The following CNIH1 variants were observed in gnomAD, a reference collection of about 807,000 sequenced individuals.
CNIH1 encodes protein cornichon homolog 1.
Under a neutral mutation model 20.2 loss-of-function variants are expected in CNIH1, and 12 were observed. The observed-to-expected ratio is 0.59, with a 90% CI of 0.38 to 0.96. The LOEUF (loss-of-function observed/expected upper bound fraction) is 0.96. CNIH1 is among the 40% of genes least tolerant of loss of function. The pLI, the probability that CNIH1 is intolerant of heterozygous loss-of-function variation, is 0.00. For synonymous variants in CNIH1, 69 were observed against 63.3 expected, an observed-to-expected ratio of 1.09 and a Z score of -0.43; for missense variants, 152 against 178.8, an observed-to-expected ratio of 0.85 and a Z score of 0.85.
intron 1 of CNIH1, among the ~76,000 whole-genome samples, chr14:54,439,941 G>A (rs1488944862): frequency 6.6e-6 from 1 of 152,172 alleles, no homozygotes; most frequent in Admixed American, 6.5e-5. Flanking sequence ...TCAAAGCAGG[G>A]CTGAAGATGC....
At chr14:54,438,137 G>A (rs1370116817) in intron 1 of CNIH1, among the ~76,000 whole-genome samples, 2 of 152,066 alleles carry the variant, frequency 1.3e-5, no homozygotes, top group Non-Finnish European at 2.9e-5. Context: ...ATGCCACCAT[G>A]CCTGGCTAAT....
At chr14:54,432,065 A>G in intron 3 of CNIH1, 43 bp downstream of exon 3, 1 of 1,041,140 alleles carries the variant, frequency 9.6e-7, no homozygotes, top group Non-Finnish European at 1.3e-6. Flanking sequence ...AGTATATTTA[A>G]GTTTTAATTT....
chr14:54,441,331 TG>T lies in CNIH1; in HGVS notation c.-5del. 3 of 1,501,808 alleles carry T rather than the reference TG, an allele frequency of 2.0e-6. No homozygotes were observed. The highest frequency in any genetic ancestry group is 2.1e-5 in the Admixed American group (1 of 47,246). 93.0% of individuals were successfully genotyped at this position (1,501,808 alleles called of 1,614,324 possible). A position where few individuals can be genotyped will look rare whatever the true frequency, so the allele number is the denominator to read the frequency against. ...AGGCCGCGAACGTGAACGCCATGGC[TG>T]GGGAGGAGGAGCGGGGAGCGGCGCC... On this transcript the variant is annotated 5_prime_UTR_variant, in exon 1 of 5. Transcript: ENST00000216416.
chr14:54,441,138 T>A, intron 1 of CNIH1, 109 bp downstream of exon 1: 4 of 1,126,362 alleles, frequency 3.6e-6, no homozygotes, highest in African/African-American at 1.7e-5. Context: ...CCGGGCCGCA[T>A]CCCCGACGCG....
At chr14:54,434,160 A>G (rs372919899) in intron 2 of CNIH1, among the ~76,000 whole-genome samples, 12 of 152,210 alleles carry the variant, frequency 7.9e-5, no homozygotes, top group African/African-American at 2.7e-4. Flanking sequence ...GTCTTCCCCC[A>G]TACTTTGGCA....
intron 2 of CNIH1, among the ~76,000 whole-genome samples, chr14:54,433,852 T>A (rs577008637): frequency 6.6e-6 from 1 of 152,168 alleles, no homozygotes; most frequent in Non-Finnish European, 1.5e-5. Flanking sequence ...ATAAAGATAA[T>A]CTACAACTCT....
At chr14:54,434,925 A>T (rs1166351467) in intron 2 of CNIH1, among the ~76,000 whole-genome samples, 1 of 152,246 alleles carries the variant, frequency 6.6e-6, no homozygotes, top group African/African-American at 2.4e-5. Flanking sequence ...TTACTGTAAC[A>T]GTTCTCTAAA....
At chr14:54,441,095 C>G in intron 1 of CNIH1, 152 bp downstream of exon 1, 1 of 767,772 alleles carries the variant, frequency 1.3e-6, no homozygotes, top group Non-Finnish European at 1.7e-6. Flanking sequence ...GTACCCGCGG[C>G]CCCCAGACCC....
In CNIH1 at chr14:54,427,806, G is replaced by C. The variant is rs2030855641; in HGVS notation, c.*8C>G. 6 of 1,613,488 alleles carry C rather than the reference G, an allele frequency of 3.7e-6. No homozygotes were observed. Among genetic ancestry groups the C allele is most frequent in the Non-Finnish European group, 4.2e-6 (5 of 1,179,822 alleles). The stretch of plus-strand genomic sequence containing the variant: ...CACTTAACTGGACCAATTCTTCTGT[G>C]TGTTGTTCTAAGAGCTCACCAAAAC... On this transcript the variant is annotated 3_prime_UTR_variant, in exon 5 of 5. Transcript: ENST00000216416.
intron 4 of CNIH1, 37 bp from the exon 5 acceptor site, chr14:54,427,878 CTAAT>C (rs2030857849): frequency 6.3e-7 from 1 of 1,599,820 alleles, no homozygotes; most frequent in African/African-American, 1.3e-5. Flanking sequence ...TTGAACATTA[CTAAT>C]TATTAAAAAA....
In CNIH1 at chr14:54,426,150, A is replaced by C. The variant is rs192997771; in HGVS notation, c.*1664T>G. ...TTGTTACATGAACTGACCAAGAGTC[A>C]GATCCCTCTAGTTCTCCAGACTGTG... On this transcript the variant is annotated 3_prime_UTR_variant, in exon 5 of 5. Transcript: ENST00000216416. 6.6e-6 allele frequency: 1 copy of C among 152,210 alleles called. No individual in the cohort carries two copies. The highest frequency in any genetic ancestry group is 6.5e-5 in the Admixed American group (1 of 15,274). 9.4% of individuals were successfully genotyped at this position (152,210 alleles called of 1,614,324 possible).
intron 3 of CNIH1, among the ~76,000 whole-genome samples, 193 bp from the exon 4 acceptor site, chr14:54,430,597 T>C (rs1835845167): frequency 6.6e-6 from 1 of 152,198 alleles, no homozygotes. Flanking sequence ...CAGAATGAGA[T>C]AGCTAAACAA....
rs1462490524 is a variant in CNIH1 at position 54,426,398 on chromosome 14, C to T, written c.*1416G>A. 3.3e-5 allele frequency: 5 copies of T among 152,172 alleles called. No individual in the cohort carries two copies. Among genetic ancestry groups the T allele is most frequent in the Middle Eastern group, 3.2e-3 (1 of 316 alleles). 9.4% of individuals were successfully genotyped at this position (152,172 alleles called of 1,614,324 possible). A position where few individuals can be genotyped will look rare whatever the true frequency, so the allele number is the denominator to read the frequency against. ...GTTCATAGAGTAAGATTTCCACAAA[C>T]GCATCCATAAACTTCCTTGATCATG... On this transcript the variant is annotated 3_prime_UTR_variant, in exon 5 of 5. Transcript: ENST00000216416.
At chr14:54,432,529 C>T (rs1047149041) in intron 2 of CNIH1, among the ~76,000 whole-genome samples, 13 of 152,140 alleles carry the variant, frequency 8.5e-5, no homozygotes, top group Non-Finnish European at 1.5e-4. Flanking sequence ...AAACAATATG[C>T]TAGTCAACTA....
chr14:54,441,089 C>G (rs867781789), intron 1 of CNIH1, among the ~76,000 whole-genome samples, 158 bp downstream of exon 1: 3 of 151,494 alleles, frequency 2.0e-5, no homozygotes, highest in African/African-American at 7.3e-5. Flanking sequence ...CCTCCAGTAC[C>G]CGCGGCCCCC....
At chr14:54,439,558 TTTTG>T (rs1163456143) in intron 1 of CNIH1, among the ~76,000 whole-genome samples, 66 of 143,992 alleles carry the variant, frequency 4.6e-4, no homozygotes, top group Admixed American at 3.6e-3. Flanking sequence ...CTTTCTTTTT[TTTTG>T]TTTTTTTTTT....
chr14:54,427,259 G>C lies in CNIH1; in HGVS notation c.*555C>G, dbSNP rs943102326. The C allele has an allele frequency of 6.6e-6, 1 of 152,088 alleles. No individual in the cohort carries two copies. Among genetic ancestry groups the C allele is most frequent in the Admixed American group, 6.5e-5 (1 of 15,268 alleles). 9.4% of individuals were successfully genotyped at this position (152,088 alleles called of 1,614,324 possible). A position where few individuals can be genotyped will look rare whatever the true frequency, so the allele number is the denominator to read the frequency against. On this transcript the variant is annotated 3_prime_UTR_variant, in exon 5 of 5. Coordinates refer to ENST00000216416, the MANE Select transcript of CNIH1 (RefSeq NM_005776.3). ...AATCTCTCATTCATGCAATATACAG[G>C]GATAATATTCAAGCGAAGGGAAAAT...
rs1363583022 is a variant in CNIH1 at position 54,423,929 on chromosome 14, A to C, written c.*3885T>G. 3.3e-5 allele frequency: 5 copies of C among 152,192 alleles called. No individual in the cohort carries two copies. Among genetic ancestry groups the C allele is most frequent in the South Asian group, 2.1e-4 (1 of 4,826 alleles). 9.4% of individuals were successfully genotyped at this position (152,192 alleles called of 1,614,324 possible). Reference sequence around the variant, plus strand: ...AGATAAGACCTTCACTCCAACCCCAAAGATCTTACATGGTTAATACTATTT... The same window carrying C: ...AGATAAGACCTTCACTCCAACCCCACAGATCTTACATGGTTAATACTATTT... On this transcript the variant is annotated 3_prime_UTR_variant, in exon 5 of 5. Transcript: ENST00000216416.
rs754893254 is a variant in CNIH1, at chr14:54,436,369, G to C, written c.150C>G (p.Pro50=). Residue 50 remains proline (P), a splice_region_variant and synonymous_variant, in exon 2 of 5, where the codon CCC becomes CCG. Transcript: ENST00000216416. ...AGATAAATCCTATATTATAACTTAC[G>C]GGATTCAGGGTATTACACTGGTCTA... ...NPIDQCNTLN[P]LVLPEYLIHA... 1 of 1,480,890 alleles carries C rather than the reference G, an allele frequency of 6.8e-7. No individual in the cohort carries two copies. Among genetic ancestry groups the C allele is most frequent in the African/African-American group, 1.4e-5 (1 of 71,950 alleles). The allele number at this position is 1,480,890 out of a possible 1,614,324, so 91.7% of individuals were successfully genotyped here. A position where few individuals can be genotyped will look rare whatever the true frequency, so the allele number is the denominator to read the frequency against.
Sources: allele counts gnomAD v4.1 joint callset (sites outside exome capture counted in the v4.1 genomes callset), GRCh38; gene constraint gnomAD v4.1.1; transcripts MANE v1.5; gene names NCBI Gene and HGNC (gene_info 2026-07-23, HGNC 2026-07-21).